The following SPATA13 variants were observed in gnomAD, a reference collection of about 807,000 sequenced individuals.
SPATA13 encodes the protein spermatogenesis-associated protein 13.
Under a neutral mutation model 104.0 loss-of-function variants are expected in SPATA13, and 50 were observed. The observed-to-expected ratio is 0.48, with a 90% CI of 0.38 to 0.61. The LOEUF (loss-of-function observed/expected upper bound fraction) is 0.61. Ranked by LOEUF, SPATA13 falls within the 20% of genes least tolerant of loss-of-function variation. SPATA13 has a pLI of 0.00. For synonymous variants in SPATA13, 606 were observed against 667.5 expected (o/e 0.91, Z 1.42); for missense variants, 1,524 against 1,690.6 (o/e 0.90, Z 1.73).
chr13:24,249,326 C>T, intron 2 of SPATA13, 151 bp from the exon 3 acceptor site: 1 of 973,612 alleles, frequency 1.0e-6, no homozygotes, highest in Non-Finnish European at 1.5e-6. Context: ...GTTGTGTCTT[C>T]ATGTTCTAGT....
intron 1 of SPATA13, among the ~76,000 whole-genome samples, chr13:24,207,337 A>T (rs1870759222): frequency 6.6e-6 from 1 of 152,364 alleles, no homozygotes; most frequent in Non-Finnish European, 1.5e-5. Context: ...TTACCTAGGT[A>T]ACAAATCTGC....
chr13:24,062,094 C>T (rs770393338), intron 3 of SPATA13, among the ~76,000 whole-genome samples: 3 of 152,160 alleles, frequency 2.0e-5, no homozygotes, highest in Non-Finnish European at 2.9e-5. Context: ...CATGACCCAC[C>T]CATGGGGGTA....
chr13:24,290,507 G>A (rs1036208450), intron 8 of SPATA13, 145 bp from the exon 9 acceptor site: 11 of 669,334 alleles, frequency 1.6e-5, no homozygotes, highest in Non-Finnish European at 2.9e-5. Context: ...TTGGGTGCCA[G>A]CGGATTTCAT....
intron 3 of SPATA13, among the ~76,000 whole-genome samples, chr13:24,089,587 A>C (rs1001544577): frequency 2.0e-5 from 3 of 152,198 alleles, no homozygotes; most frequent in Non-Finnish European, 4.4e-5. Context: ...GCATAGTATA[A>C]ATGTACCTTT....
At chr13:24,136,415 G>T (rs1367138595) in intron 3 of SPATA13, among the ~76,000 whole-genome samples, 1 of 152,110 alleles carries the variant, frequency 6.6e-6, no homozygotes, top group Non-Finnish European at 1.5e-5. Context: ...GGCAGAGGTT[G>T]TAGTGAGCTG....
In SPATA13 at chr13:24,303,308, G is replaced by A. The variant is rs1422103953; in HGVS notation, c.*535G>A. On this transcript the variant is annotated 3_prime_UTR_variant, in exon 13 of 13. Transcript: ENST00000382108. ...GGGGACCTACAGCTGCCGTGGGGCT[G>A]ACCACGGTGTTCCCTGGCATCGTCT... is the stretch of plus-strand genomic sequence containing the variant. The A allele has an allele frequency of 5.7e-6, 2 of 351,444 alleles. No individual in the cohort carries two copies. The highest frequency in any genetic ancestry group is 3.5e-5 in the Admixed American group (1 of 28,204). 21.8% of individuals were successfully genotyped at this position (351,444 alleles called of 1,614,324 possible). A position where few individuals can be genotyped will look rare whatever the true frequency, so the allele number is the denominator to read the frequency against.
At chr13:24,274,322 T>C (rs987368609) in intron 4 of SPATA13, among the ~76,000 whole-genome samples, 48 of 152,166 alleles carry the variant, frequency 3.2e-4, no homozygotes, top group African/African-American at 1.1e-3. Context: ...TTTGAGGAGC[T>C]TTTCAAAATA....
chr13:24,276,743 C>T (rs547232793), intron 4 of SPATA13, among the ~76,000 whole-genome samples: 1 of 152,152 alleles, frequency 6.6e-6, no homozygotes, highest in Non-Finnish European at 1.5e-5. Flanking sequence ...AGCTTTACAG[C>T]GTCAAAATTC....
At chr13:24,005,721 G>C (rs565645194) in intron 2 of SPATA13, among the ~76,000 whole-genome samples, 1 of 152,280 alleles carries the variant, frequency 6.6e-6, no homozygotes, top group African/African-American at 2.4e-5. Context: ...GAGCTGTAGA[G>C]GGGCATTTTC....
intron 2 of SPATA13, among the ~76,000 whole-genome samples, chr13:24,012,203 G>T (rs533780826): frequency 6.6e-6 from 1 of 152,190 alleles, no homozygotes; most frequent in African/African-American, 2.4e-5. Context: ...TTTCACCTGC[G>T]TCACAGCCAG....
At chr13:24,278,810 T>G in intron 4 of SPATA13, 1 of 1,598,942 alleles carries the variant, frequency 6.3e-7, no homozygotes, top group Non-Finnish European at 8.5e-7. Context: ...TGTGCATCGC[T>G]ATCATTTGAA....
At chr13:24,038,107 G>T (rs1286918243) in intron 3 of SPATA13, among the ~76,000 whole-genome samples, 1 of 151,858 alleles carries the variant, frequency 6.6e-6, no homozygotes, top group Non-Finnish European at 1.5e-5. Flanking sequence ...TAGAGACGGG[G>T]TTTCACCGTG....
chr13:23,981,650 T>C (rs750171752), intron 1 of SPATA13, among the ~76,000 whole-genome samples: 4 of 152,186 alleles, frequency 2.6e-5, no homozygotes, highest in Non-Finnish European at 5.9e-5. Context: ...TTTTGCTCTT[T>C]CAAGGCAGGC....
At chr13:24,145,840 G>A (rs1881910857) in intron 3 of SPATA13, among the ~76,000 whole-genome samples, 1 of 152,198 alleles carries the variant, frequency 6.6e-6, no homozygotes, top group South Asian at 2.1e-4. Flanking sequence ...AAGACTTCAC[G>A]GCGGAGACAG....
At chr13:23,991,033 G>A (rs142672745) in intron 2 of SPATA13, among the ~76,000 whole-genome samples, 13 of 152,280 alleles carry the variant, frequency 8.5e-5, no homozygotes, top group African/African-American at 2.9e-4. Context: ...GATGAAGCCC[G>A]CTCAAGGTTA....
rs150874550 is a variant in SPATA13 at position 24,026,147 on chromosome 13, C to T, written c.-112+8446C>T. On this transcript the variant is annotated intron_variant, in intron 3 of 14. Transcript: ENST00000424834. ...TTACATTGGTTGCAAATATATTCCCCTCAAAGTATGATTTTTCATGTCGTT... is the reference window on the plus strand; with the variant it reads ...TTACATTGGTTGCAAATATATTCCCTTCAAAGTATGATTTTTCATGTCGTT... 1.4e-3 allele frequency among the ~76,000 whole-genome samples: 213 copies of T among 152,262 alleles called. 1 individual carries two copies. Among genetic ancestry groups the T allele is most frequent in the African/African-American group, 4.7e-3 (194 of 41,532 alleles).
intron 3 of SPATA13, among the ~76,000 whole-genome samples, chr13:24,077,065 G>C (rs913560512): frequency 6.6e-6 from 1 of 151,888 alleles, no homozygotes; most frequent in Admixed American, 6.6e-5. Context: ...GTTAAAATAC[G>C]ATCTCTGGTG....
At chr13:24,188,796 T>C (rs865970338) in intron 1 of SPATA13, among the ~76,000 whole-genome samples, 4 of 152,156 alleles carry the variant, frequency 2.6e-5, no homozygotes, top group Non-Finnish European at 5.9e-5. Context: ...AGTCAGTGTC[T>C]GGTTTCAGAG....
intron 2 of SPATA13, among the ~76,000 whole-genome samples, chr13:24,234,364 CA>C (rs556980828): frequency 1.9e-3 from 294 of 152,230 alleles, no homozygotes; most frequent in African/African-American, 6.8e-3. Flanking sequence ...CCATATTCTT[CA>C]GAGGGGGAAT....
Sources: gnomAD v4.1 joint callset for allele counts (sites outside exome capture counted in the v4.1 genomes callset) on GRCh38, gnomAD v4.1.1 for gene constraint, MANE v1.5 for transcripts, NCBI Gene and HGNC (gene_info 2026-07-23, HGNC 2026-07-21) for gene names.